Variants in FLRT1 observed in about 807,000 individuals in gnomAD.
FLRT1 encodes the protein leucine-rich repeat transmembrane protein FLRT1.
FLRT1 carries 14 observed loss-of-function variants against 30.9 expected under a neutral mutation model. That is an observed-to-expected ratio of 0.45 (90% CI 0.30 to 0.71). FLRT1 has a LOEUF of 0.71. Among genes scored for constraint, FLRT1 ranks in the 30% least tolerant of loss-of-function variants. The pLI, the probability that FLRT1 is intolerant of heterozygous loss-of-function variation, is 0.08. For synonymous variants in FLRT1, 368 were observed against 430.4 expected (o/e 0.85, Z 1.80); for missense variants, 737 against 949.2 (o/e 0.78, Z 2.94).
chr11:64,089,701 T>C (rs1239791827), intron 1 of FLRT1, among the ~76,000 whole-genome samples: 1 of 152,044 alleles, frequency 6.6e-6, no homozygotes, highest in African/African-American at 2.4e-5. Flanking sequence ...CTGGACAAAG[T>C]GGGGCTCTTG....
intron 1 of FLRT1, among the ~76,000 whole-genome samples, chr11:64,048,569 G>T (rs916360103): frequency 6.6e-6 from 1 of 152,176 alleles, no homozygotes; most frequent in Non-Finnish European, 1.5e-5. Context: ...AAGCAGGATG[G>T]TTAATAACAG....
intron 1 of FLRT1, among the ~76,000 whole-genome samples, chr11:64,045,908 G>A (rs985063375): frequency 2.6e-5 from 4 of 152,120 alleles, no homozygotes; most frequent in African/African-American, 9.7e-5. Flanking sequence ...GCAACATAGC[G>A]AGACCCCATC....
rs919806852 is a variant in FLRT1, at chr11:64,037,929, T to C, written c.-1038+1770T>C. ...CCAGGGTGCTGCTTTGTAAGTGCAT[T>C]TGACGCATGTTGTTAGTGGTCCTGC... On this transcript the variant is annotated intron_variant, in intron 1 of 2. Transcript: ENST00000682287. 1.8e-4 allele frequency among the ~76,000 whole-genome samples: 27 copies of C among 152,350 alleles called. 1 individual carries two copies. Among genetic ancestry groups the C allele is most frequent in the Admixed American group, 1.0e-3 (16 of 15,312 alleles).
intron 1 of FLRT1, among the ~76,000 whole-genome samples, chr11:64,052,665 C>T (rs1269848244): frequency 6.6e-5 from 10 of 152,172 alleles, no homozygotes. Context: ...ACCTGGGCAT[C>T]CCTGATAGTG....
chr11:64,114,822 A>G (rs1944946930), intron 2 of FLRT1, among the ~76,000 whole-genome samples: 1 of 152,186 alleles, frequency 6.6e-6, no homozygotes, highest in Admixed American at 6.5e-5. Flanking sequence ...GGATGGGCAG[A>G]GCAGAGGGAA....
rs1193812540 is a variant in FLRT1 at position 64,061,241 on chromosome 11, C to T, written c.-1038+25082C>T. ...AATAAATGCATTTGGAGTAATCTGGCGATCACGCGGTGTAATTGCTGGCTG... is the reference window on the plus strand; with the variant it reads ...AATAAATGCATTTGGAGTAATCTGGTGATCACGCGGTGTAATTGCTGGCTG... On this transcript the variant is annotated intron_variant, in intron 1 of 2. Coordinates refer to ENST00000682287, the MANE Select transcript of FLRT1 (RefSeq NM_013280.5). Among the ~76,000 whole-genome samples, 6 of 152,368 alleles carry T rather than the reference C, an allele frequency of 3.9e-5. No individual in the cohort carries two copies. In the East Asian group the frequency reaches 1.2e-3, roughly 29 times the overall value.
intron 1 of FLRT1, among the ~76,000 whole-genome samples, chr11:64,068,360 C>T (rs1305371234): frequency 4.6e-5 from 7 of 152,256 alleles, no homozygotes; most frequent in Admixed American, 2.0e-4. Context: ...CCCTGGCAGG[C>T]TCAGGCCCAG....
At chr11:64,061,528 A>C (rs892379335) in intron 1 of FLRT1, among the ~76,000 whole-genome samples, 2 of 151,988 alleles carry the variant, frequency 1.3e-5, no homozygotes, top group Non-Finnish European at 2.9e-5. Flanking sequence ...CACTGTGATC[A>C]CCGGTCTTGT....
At chr11:64,049,693 G>A (rs1027689904) in intron 1 of FLRT1, among the ~76,000 whole-genome samples, 1 of 152,204 alleles carries the variant, frequency 6.6e-6, no homozygotes, top group Non-Finnish European at 1.5e-5. Context: ...AGTGATCTGC[G>A]GGGCAGGCTG....
intron 1 of FLRT1, among the ~76,000 whole-genome samples, chr11:64,052,762 C>A (rs948138411): frequency 6.6e-6 from 1 of 152,238 alleles, no homozygotes; most frequent in Non-Finnish European, 1.5e-5. Context: ...TGATGTAAAC[C>A]TGATTCTCCT....
At chr11:64,091,505 G>C (rs1944489989) in intron 1 of FLRT1, among the ~76,000 whole-genome samples, 1 of 151,010 alleles carries the variant, frequency 6.6e-6, no homozygotes, top group African/African-American at 2.4e-5. Flanking sequence ...GGGTGGGGTT[G>C]GGGTTGGTGG....
intron 1 of FLRT1, among the ~76,000 whole-genome samples, chr11:64,084,904 C>T (rs768227376): frequency 6.6e-6 from 1 of 152,232 alleles, no homozygotes; most frequent in South Asian, 2.1e-4. Flanking sequence ...CTCTGCAGTC[C>T]CCCTGCTCCC....
At chr11:64,085,912 A>G (rs1007296280) in intron 1 of FLRT1, among the ~76,000 whole-genome samples, 1 of 147,004 alleles carries the variant, frequency 6.8e-6, no homozygotes, top group Non-Finnish European at 1.5e-5. Flanking sequence ...GGGCCACCCC[A>G]CCCCCACAGA....
chr11:64,087,451 C>G (rs183464404), intron 1 of FLRT1, among the ~76,000 whole-genome samples: 53 of 152,362 alleles, frequency 3.5e-4, no homozygotes, highest in Admixed American at 3.0e-3. Flanking sequence ...AAGCCAGGTT[C>G]TCTGGGAACC....
chr11:64,112,496 G>C (rs981194579), intron 2 of FLRT1, among the ~76,000 whole-genome samples: 3 of 152,176 alleles, frequency 2.0e-5, no homozygotes, highest in East Asian at 3.8e-4. Flanking sequence ...CCTGGTGACA[G>C]GGCAAGACTC....
chr11:64,106,239 G>C (rs984764115), intron 2 of FLRT1, among the ~76,000 whole-genome samples: 1 of 152,206 alleles, frequency 6.6e-6, no homozygotes, highest in African/African-American at 2.4e-5. Context: ...GCACAATCCA[G>C]ACCTTTCCCT....
chr11:64,083,746 G>A (rs1944343440), intron 1 of FLRT1, among the ~76,000 whole-genome samples: 3 of 152,320 alleles, frequency 2.0e-5, no homozygotes, highest in South Asian at 4.1e-4. Flanking sequence ...TGTGGAATGG[G>A]GGTTCGGTGA....
At chr11:64,065,522 G>C (rs1943982711) in intron 1 of FLRT1, among the ~76,000 whole-genome samples, 1 of 152,192 alleles carries the variant, frequency 6.6e-6, no homozygotes, top group Non-Finnish European at 1.5e-5. Context: ...AGGCGCGGTG[G>C]CTCATGCCTG....
chr11:64,057,146 T>C (rs1025617668), intron 1 of FLRT1, among the ~76,000 whole-genome samples: 3 of 152,188 alleles, frequency 2.0e-5, no homozygotes, highest in Admixed American at 6.5e-5. Flanking sequence ...TGGACCCGGG[T>C]GCCCCTGTGC....
Sources: allele counts gnomAD v4.1 joint callset (sites outside exome capture counted in the v4.1 genomes callset), GRCh38; gene constraint gnomAD v4.1.1; transcripts MANE v1.5; gene names NCBI Gene and HGNC (gene_info 2026-07-23, HGNC 2026-07-21).